RAI2: variants seen among roughly 807,000 people sequenced by gnomAD.
RAI2 encodes the protein retinoic acid-induced protein 2.
In RAI2, 5 loss-of-function variants were observed where a neutral mutation model predicts 15.3. The observed-to-expected ratio is 0.33, with a 90% CI of 0.17 to 0.69. RAI2 has a LOEUF of 0.69. Among genes scored for constraint, RAI2 ranks in the 30% least tolerant of loss-of-function variants. The probability of loss-of-function intolerance (pLI) is 0.69; values close to 1 mark genes in which losing one functional copy is unlikely to be tolerated. For synonymous variants in RAI2, 191 were observed against 184.0 expected (o/e 1.04, Z -0.31); for missense variants, 424 against 424.7 (o/e 1.00, Z 0.01).
intron 1 of RAI2, among the ~76,000 whole-genome samples, chrX:17,804,361 T>C (rs1031368281): frequency 8.9e-6 from 1 of 112,192 alleles, no homozygotes; most frequent in Non-Finnish European, 1.9e-5. Context: ...TATACTCTAG[T>C]GGAGGCAACA....
intron 1 of RAI2, among the ~76,000 whole-genome samples, chrX:17,812,531 AG>A (rs199575115): frequency 0.012 from 1,385 of 112,415 alleles, 31 homozygotes; most frequent in African/African-American, 0.043. Context: ...TGGGGGAGAA[AG>A]AAAAGGTGGC....
At position 17,843,590 on chromosome X, in the gene RAI2, T is replaced by C. The variant is rs758556881; in HGVS notation, c.-25+17508A>G. On this transcript the variant is annotated intron_variant, in intron 1 of 1. Coordinates refer to ENST00000451717, the MANE Select transcript of RAI2 (RefSeq NM_021785.6). ...GATTCTGACCCTACTCCCTCAAGTATTAAATCTAGAAATGAAAATATCCTC... is the reference window on the plus strand; with the variant it reads ...GATTCTGACCCTACTCCCTCAAGTACTAAATCTAGAAATGAAAATATCCTC... 2.4e-4 allele frequency among the ~76,000 whole-genome samples: 27 copies of C among 112,360 alleles called. No individual in the cohort carries two copies. The East Asian group carries it at 4.2e-3, about 17-fold the overall frequency.
intron 1 of RAI2, among the ~76,000 whole-genome samples, chrX:17,813,088 T>A: frequency 9.0e-6 from 1 of 111,700 alleles, no homozygotes; most frequent in East Asian, 2.8e-4. Flanking sequence ...GTCTGAGTAC[T>A]GCAAGTACTT....
rs2066915602 is a variant in RAI2 at position 17,801,751 on chromosome X, G to T, written c.260C>A (p.Pro87Gln). The change falls in exon 2 of 2, where the codon CCA becomes CAA. Residue 87 changes from proline (P) to glutamine (Q), a missense_variant. Pro to Gln is a moderately conservative substitution (Grantham distance 76). Transcript: ENST00000451717. Reference sequence around the variant, plus strand: ...CTGCATGTGAATGGGCATCACCACTGGGCTCTCCCCGAGGCACAGGGGCTG... The same window carrying T: ...CTGCATGTGAATGGGCATCACCACTTGGCTCTCCCCGAGGCACAGGGGCTG... The part of the protein sequence containing the change: ...VLQPLCLGES[P>Q]VVMPIHMQVE... 8.3e-7 allele frequency: 1 copy of T among 1,210,104 alleles called. No homozygotes were observed. The highest frequency in any genetic ancestry group is 1.1e-6 in the Non-Finnish European group (1 of 895,235).
At chrX:17,824,885 G>A (rs779192975) in intron 1 of RAI2, among the ~76,000 whole-genome samples, 11 of 112,230 alleles carry the variant, frequency 9.8e-5, no homozygotes, top group Non-Finnish European at 1.9e-4. Flanking sequence ...TGCATCTACC[G>A]TGCAGGTGAT....
At chrX:17,832,644 G>A (rs1397250517) in intron 1 of RAI2, among the ~76,000 whole-genome samples, 6 of 112,281 alleles carry the variant, frequency 5.3e-5, no homozygotes, top group Admixed American at 1.9e-4. Context: ...AAAGGTGGGC[G>A]TGATGCCAGA....
intron 1 of RAI2, among the ~76,000 whole-genome samples, chrX:17,844,255 G>A (rs2067431740): frequency 8.9e-6 from 1 of 112,695 alleles, no homozygotes; most frequent in African/African-American, 3.2e-5. Flanking sequence ...TTTGGAAGTT[G>A]GAGAAAAATG....
intron 1 of RAI2, among the ~76,000 whole-genome samples, chrX:17,806,168 G>A (rs2066979194): frequency 9.0e-6 from 1 of 111,166 alleles, no homozygotes; most frequent in Admixed American, 9.5e-5. Context: ...GACAAGCCAA[G>A]TAGCCAGATA....
intron 1 of RAI2, among the ~76,000 whole-genome samples, chrX:17,858,753 C>T (rs1488836144): frequency 1.8e-5 from 2 of 112,613 alleles, no homozygotes; most frequent in African/African-American, 6.5e-5. Context: ...CTCACCCCAG[C>T]GATCGGCATC....
intron 1 of RAI2, among the ~76,000 whole-genome samples, chrX:17,818,511 T>TG (rs869042879): frequency 0.028 from 9 of 321 alleles, no homozygotes; most frequent in Non-Finnish European, 0.11. Context: ...GAAATGTGTG[T>TG]TTTTTTTTTA....
chrX:17,805,411 G>C (rs1480700817), intron 1 of RAI2, among the ~76,000 whole-genome samples: 3 of 112,918 alleles, frequency 2.7e-5, no homozygotes, highest in Non-Finnish European at 5.6e-5. Context: ...GGGGACTGCA[G>C]CCCGAAGTGG....
intron 1 of RAI2, among the ~76,000 whole-genome samples, chrX:17,859,419 C>G (rs966611699): frequency 8.9e-6 from 1 of 111,958 alleles, no homozygotes. Flanking sequence ...TCTCTCTGTT[C>G]TAAAGAGAAG....
chrX:17,854,001 C>A lies in RAI2; in HGVS notation c.-25+7097G>T, dbSNP rs192356959. 2.8e-3 allele frequency among the ~76,000 whole-genome samples: 312 copies of A among 111,976 alleles called. 2 individuals are homozygous for A. Among genetic ancestry groups the A allele is most frequent in the Non-Finnish European group, 4.9e-3 (258 of 53,168 alleles). On this transcript the variant is annotated intron_variant, in intron 1 of 1. Coordinates refer to ENST00000451717, the MANE Select transcript of RAI2 (RefSeq NM_021785.6). ...AAAACTAAAACAAGGAAATGCTATT[C>A]TTTCCCGTTTTTTGCTAGCTGGGCA...
chrX:17,815,552 C>T (rs778446702), intron 1 of RAI2, among the ~76,000 whole-genome samples: 1 of 111,130 alleles, frequency 9.0e-6, no homozygotes, highest in Admixed American at 9.5e-5. Flanking sequence ...GATTTTGGCG[C>T]AGGAGATGGT....
chrX:17,852,485 A>AGGCTGGCAGGGGAG (rs1336198557), intron 1 of RAI2, among the ~76,000 whole-genome samples: 4 of 111,969 alleles, frequency 3.6e-5, no homozygotes, highest in African/African-American at 1.3e-4. Flanking sequence ...TCACTCTCAG[A>AGGCTGGCAGGGGAG]GGCTGGCAGG....
At chrX:17,832,145 C>T (rs764149160) in intron 1 of RAI2, among the ~76,000 whole-genome samples, 41 of 112,081 alleles carry the variant, frequency 3.7e-4, no homozygotes, top group Non-Finnish European at 7.3e-4. Context: ...TAATAGAAGG[C>T]TAATAATATT....
At chrX:17,821,575 A>G (rs1464880995) in intron 1 of RAI2, among the ~76,000 whole-genome samples, 2 of 106,772 alleles carry the variant, frequency 1.9e-5, no homozygotes, top group African/African-American at 6.7e-5. Flanking sequence ...TGTAAGAGAG[A>G]GAGAGAGAGA....
chrX:17,803,427 A>G (rs1569341868), intron 1 of RAI2, among the ~76,000 whole-genome samples: 1 of 110,555 alleles, frequency 9.0e-6, no homozygotes, highest in East Asian at 2.8e-4. Context: ...TCTACTCGGG[A>G]GGCTGAGGCA....
rs745439197 is a variant in RAI2 at position 17,853,902 on chromosome X, TTATC to T, written c.-25+7192_-25+7195del. The stretch of plus-strand genomic sequence containing the variant: ...ATTAATATCTCATAAAATAAAATGA[TTATC>T]TAGTTATGTTCCATACAAAACCAAA... On this transcript the variant is annotated intron_variant, in intron 1 of 1. Transcript: ENST00000451717. Among the ~76,000 whole-genome samples, 263 of 111,132 alleles carry T rather than the reference TTATC, an allele frequency of 2.4e-3. 2 individuals carry two copies. The highest frequency in any genetic ancestry group is 8.2e-3 in the African/African-American group (250 of 30,559).
Sources: allele counts gnomAD v4.1 joint callset (sites outside exome capture counted in the v4.1 genomes callset), GRCh38; gene constraint gnomAD v4.1.1; transcripts MANE v1.5; gene names NCBI Gene and HGNC (gene_info 2026-07-23, HGNC 2026-07-21).